Variants in EHMT1 observed in about 807,000 individuals in gnomAD.
EHMT1 encodes the protein euchromatic histone lysine methyltransferase 1, also known as histone-lysine N-methyltransferase EHMT1.
Under a neutral mutation model 147.2 loss-of-function variants are expected in EHMT1, and 15 were observed. The observed-to-expected ratio is 0.10, with a 90% CI of 0.07 to 0.16. EHMT1 has a LOEUF of 0.16. Ranked by LOEUF, EHMT1 falls within the 10% of genes least tolerant of loss-of-function variation. The probability of loss-of-function intolerance (pLI) is 1.00; values close to 1 mark genes in which losing one functional copy is unlikely to be tolerated. For missense variants in EHMT1, 1,587 were observed against 1,772.4 expected (o/e 0.90, Z 1.88); for synonymous variants, 795 against 709.6 (o/e 1.12, Z -1.91).
Position 137,776,874 on chromosome 9 carries a change from C to A in EHMT1, c.2018+30C>A. The A allele has an allele frequency of 1.2e-6, 2 of 1,607,012 alleles. No homozygotes were observed. Among genetic ancestry groups the A allele is most frequent in the South Asian group, 2.2e-5 (2 of 90,664 alleles). ...CTGGCACAGGCTCTGGCTGGGCTCT[C>A]CAGTCGTCCACCTGAAAAAGTTTCA... is the stretch of plus-strand genomic sequence containing the variant. On this transcript the variant is annotated intron_variant, in intron 12 of 26. Transcript: ENST00000460843. The surrounding 1 kb of genome is among the most constrained non-coding windows in gnomAD (Gnocchi z 4.4).
At chr9:137,736,226 A>G (rs1479688338) in intron 4 of EHMT1, among the ~76,000 whole-genome samples, 1 of 152,260 alleles carries the variant, frequency 6.6e-6, no homozygotes, top group Non-Finnish European at 1.5e-5. Context: ...TAAGAAGGAC[A>G]ATATATAGTA....
At chr9:137,715,490 G>A (rs1218199128) in intron 2 of EHMT1, 2 of 956,530 alleles carry the variant, frequency 2.1e-6, no homozygotes, top group Non-Finnish European at 2.5e-6. Flanking sequence ...CAGATGATCA[G>A]GTCTGTTGTG....
chr9:137,675,779 ATTTTTT>A lies in EHMT1; in HGVS notation c.22-35170_22-35165del, dbSNP rs781380107. ...GGCGTGCACCAACCACGCCCGGCTA[ATTTTTT>A]TTTTTTTTTTTTTTTTTAGACGGAG... is the stretch of plus-strand genomic sequence containing the variant. On this transcript the variant is annotated intron_variant, in intron 1 of 26. Transcript: ENST00000460843. 3.1e-4 allele frequency among the ~76,000 whole-genome samples: 30 copies of A among 95,738 alleles called. 1 individual carries two copies. The highest frequency in any genetic ancestry group is 1.1e-3 in the African/African-American group (24 of 21,326). The allele number at this position is 95,738 out of a possible 152,430, so 62.8% of individuals were successfully genotyped here. A position where few individuals can be genotyped will look rare whatever the true frequency, so the allele number is the denominator to read the frequency against.
At chr9:137,711,826 C>T (rs1188728922) in intron 2 of EHMT1, among the ~76,000 whole-genome samples, 5 of 152,116 alleles carry the variant, frequency 3.3e-5, no homozygotes, top group South Asian at 4.2e-4. Context: ...ATAAGGGTGG[C>T]GGCCGTGGGA....
chr9:137,702,812 C>G (rs1943948871), intron 1 of EHMT1, among the ~76,000 whole-genome samples: 1 of 152,252 alleles, frequency 6.6e-6, no homozygotes, highest in South Asian at 2.1e-4. Flanking sequence ...CAGGAAGCTT[C>G]TGTCTGGACA....
intron 6 of EHMT1, chr9:137,747,017 G>A (rs1452350758): frequency 6.6e-6 from 1 of 152,214 alleles, no homozygotes; most frequent in East Asian, 1.9e-4. Flanking sequence ...GCCTTAACTA[G>A]ATGGGCACTG....
intron 3 of EHMT1, among the ~76,000 whole-genome samples, chr9:137,723,602 C>T (rs1050761547): frequency 3.3e-5 from 5 of 150,430 alleles, no homozygotes; most frequent in African/African-American, 1.2e-4. Flanking sequence ...GTGTCTGTGT[C>T]TGTGGTTCTG....
chr9:137,711,230 A>G (rs768174820), intron 2 of EHMT1, among the ~76,000 whole-genome samples, 200 bp downstream of exon 2: 9 of 152,206 alleles, frequency 5.9e-5, no homozygotes, highest in African/African-American at 1.9e-4. Context: ...GAAGGAACAC[A>G]TTTGTCAAAG....
At chr9:137,802,351 T>A (rs368116143) in intron 18 of EHMT1, 45 of 398,422 alleles carry the variant, frequency 1.1e-4, no homozygotes, top group South Asian at 6.4e-4. Context: ...TCACAGAGGG[T>A]TCCAGAGGCC....
At chr9:137,671,788 A>T (rs1940686606) in intron 1 of EHMT1, among the ~76,000 whole-genome samples, 1 of 152,142 alleles carries the variant, frequency 6.6e-6, no homozygotes, top group Admixed American at 6.5e-5. Context: ...TTGGCCTTCC[A>T]AAGTGCTGGG....
Position 137,717,165 on chromosome 9 carries a change from A to G in EHMT1, c.625A>G (p.Lys209Glu), listed in dbSNP as rs765687905. ...KVHRARKTMP[K>E]SVVGLHAASK... is the part of the protein sequence containing the mutation. ...CCACAGGGCACGCAAGACCATGCCG[A>G]AGTCCGTCGTGGGCCTGGTAATTTT... The change falls in exon 3 of 27, where the codon AAG becomes GAG. Residue 209 changes from lysine to glutamate, a missense_variant. Lys to Glu is a moderately conservative substitution (Grantham distance 56). This residue lies in a region of EHMT1 where 810 missense variants were observed against 673.0 expected (regional missense o/e 1.20). Coordinates refer to ENST00000460843, the MANE Select transcript of EHMT1 (RefSeq NM_024757.5). 6.2e-7 allele frequency: 1 copy of G among 1,612,270 alleles called. No individual in the cohort carries two copies. Among genetic ancestry groups the G allele is most frequent in the Non-Finnish European group, 8.5e-7 (1 of 1,179,958 alleles).
At chr9:137,630,467 G>A (rs1344319362) in intron 1 of EHMT1, among the ~76,000 whole-genome samples, 1 of 152,150 alleles carries the variant, frequency 6.6e-6, no homozygotes, top group Non-Finnish European at 1.5e-5. Flanking sequence ...AGGTCTTAAA[G>A]GATGTGAGAC....
chr9:137,762,410 C>G (rs761317943), intron 9 of EHMT1, among the ~76,000 whole-genome samples: 3 of 152,120 alleles, frequency 2.0e-5, no homozygotes, highest in African/African-American at 4.8e-5. Flanking sequence ...GTCCTGGGTC[C>G]TGAGAACCTG....
rs987200240 is a variant in EHMT1 at position 137,731,403 on chromosome 9, A to G, written c.823+2874A>G. On this transcript the variant is annotated intron_variant, in intron 4 of 26. Transcript: ENST00000460843. The surrounding 1 kb of genome is among the most constrained non-coding windows in gnomAD (Gnocchi z 4.3). ...CGTGTTAACTAGAGAGGAGCATGGC[A>G]TGCCCAGCTGCCTTGTCTTGTGATG... Among the ~76,000 whole-genome samples, 1 of 152,194 alleles carries G rather than the reference A, an allele frequency of 6.6e-6. No individual in the cohort carries two copies. Among genetic ancestry groups the G allele is most frequent in the Non-Finnish European group, 1.5e-5 (1 of 68,038 alleles).
rs1448117845 is a variant in EHMT1, at chr9:137,782,610, C to T, written c.2382+213C>T. Among the ~76,000 whole-genome samples the T allele has an allele frequency of 1.3e-5, 2 of 152,166 alleles. No homozygotes were observed. The highest frequency in any genetic ancestry group is 1.5e-5 in the Non-Finnish European group (1 of 68,036). On this transcript the variant is annotated intron_variant, in intron 15 of 26. Transcript: ENST00000460843. This position sits in a 1 kb window ranked among gnomAD's most constrained non-coding sequence, Gnocchi z 5.7. ...CATTTACCACGGCCTTTGAGAAGAG[C>T]ATGCCGCCATTTGGCTGTTTCTTGA...
intron 1 of EHMT1, among the ~76,000 whole-genome samples, chr9:137,710,350 G>A (rs944507244): frequency 5.3e-5 from 8 of 152,138 alleles, no homozygotes; most frequent in African/African-American, 1.4e-4. Context: ...GTGTGCACCT[G>A]TAGTCCCAGC....
At position 137,772,020 on chromosome 9, in the gene EHMT1, ATGCAGAGCCTGTGGGCCC is replaced by A. The variant is rs1028544135; in HGVS notation, c.1648-3072_1648-3055del. ...CCCCACTGTGTCCTAATAAGCCACC[ATGCAGAGCCTGTGGGCCC>A]TGCAGAGCCTGTGGGCACTGGGTAT... On this transcript the variant is annotated intron_variant, in intron 10 of 26. Coordinates refer to ENST00000460843, the MANE Select transcript of EHMT1 (RefSeq NM_024757.5). Among the ~76,000 whole-genome samples, 201 of 152,278 alleles carry A rather than the reference ATGCAGAGCCTGTGGGCCC, an allele frequency of 1.3e-3. 1 individual carries two copies. Among genetic ancestry groups the A allele is most frequent in the African/African-American group, 4.3e-3 (180 of 41,556 alleles).
chr9:137,761,703 C>T (rs4979646), intron 9 of EHMT1, among the ~76,000 whole-genome samples: 54,497 of 152,030 alleles, frequency 0.36, 10,222 homozygotes, highest in Admixed American at 0.45. Flanking sequence ...GTGATCTGCC[C>T]GCCTTGGCCT....
chr9:137,793,075 A>T (rs1413579167), intron 16 of EHMT1, among the ~76,000 whole-genome samples: 1 of 152,226 alleles, frequency 6.6e-6, no homozygotes, highest in Non-Finnish European at 1.5e-5. Flanking sequence ...GTTTGTAGAG[A>T]TAATAAAAGG....
Sources: allele counts gnomAD v4.1 joint callset (sites outside exome capture counted in the v4.1 genomes callset), GRCh38; gene constraint gnomAD v4.1.1; regional missense constraint gnomAD v4.1.1; non-coding constraint Gnocchi (gnomAD v3.1); transcripts MANE v1.5; gene names NCBI Gene and HGNC (gene_info 2026-07-23, HGNC 2026-07-21).